ERGIC3: variants seen among roughly 807,000 people sequenced by gnomAD.
ERGIC3 encodes endoplasmic reticulum-Golgi intermediate compartment protein 3.
Under a neutral mutation model 54.7 loss-of-function variants are expected in ERGIC3, and 33 were observed. The observed-to-expected ratio is 0.60, with a 90% CI of 0.46 to 0.81. ERGIC3 has a LOEUF of 0.81. ERGIC3 is among the 30% of genes least tolerant of loss of function. The pLI is 0.00. For missense variants in ERGIC3, 399 were observed against 488.4 expected, an observed-to-expected ratio of 0.82 and a Z score of 1.73; for synonymous variants, 186 against 189.8, an observed-to-expected ratio of 0.98 and a Z score of 0.16.
At chr20:35,551,746 A>T (rs1449256145) in intron 7 of ERGIC3, among the ~76,000 whole-genome samples, 12 of 152,244 alleles carry the variant, frequency 7.9e-5, no homozygotes, top group African/African-American at 2.9e-4. Context: ...ATGCTTCTGG[A>T]TGTCAAGCGG....
intron 4 of ERGIC3, among the ~76,000 whole-genome samples, chr20:35,546,989 A>AG (rs1433402605): frequency 2.0e-5 from 3 of 152,294 alleles, no homozygotes; most frequent in Admixed American, 6.5e-5. Context: ...TGTGAGGAGA[A>AG]GCACCATGGC....
Position 35,542,353 on chromosome 20 carries a change from T to C in ERGIC3, c.119T>C (p.Leu40Pro). The stretch of plus-strand genomic sequence containing the variant: ...ATTGTCAGTGGCCTTCTCATGCTGC[T>C]ACTGTTCCTGTCCGAGCTGCAGTAT... ...VTIVSGLLML[L>P]LFLSELQYYL... is the part of the protein sequence containing the mutation. The change falls in exon 2 of 13, where the codon CTA (leucine) becomes CCA (proline). Residue 40 changes from leucine to proline, a missense_variant. Physicochemically the swap from Leu to Pro is moderately conservative, Grantham distance 98. Transcript: ENST00000348547. 2.5e-6 allele frequency: 4 copies of C among 1,613,876 alleles called. No individual in the cohort carries two copies. Among genetic ancestry groups the C allele is most frequent in the Non-Finnish European group, 8.5e-7 (1 of 1,179,996 alleles).
chr20:35,548,853 T>A lies in ERGIC3; in HGVS notation c.673T>A (p.Ser225Thr). ...HFAPGKSFQQ[S>T]HVHVHDLQSF... Reference sequence around the variant, plus strand: ...TGCCCCTGGGAAGAGCTTCCAGCAGTCCCATGTGCACGGTGAGTGATCTGC... The same window carrying A: ...TGCCCCTGGGAAGAGCTTCCAGCAGACCCATGTGCACGGTGAGTGATCTGC... Residue 225 changes from serine (S) to threonine (T), a missense_variant, in exon 7 of 13, where the codon TCC becomes ACC. Physicochemically the swap from Ser to Thr is moderately conservative, Grantham distance 58. Coordinates refer to ENST00000348547, the MANE Select transcript of ERGIC3 (RefSeq NM_015966.3). 1.2e-6 allele frequency: 2 copies of A among 1,614,206 alleles called. No individual in the cohort carries two copies. Among genetic ancestry groups the A allele is most frequent in the Non-Finnish European group, 1.7e-6 (2 of 1,180,026 alleles).
chr20:35,553,208 A>C (rs1166931920), intron 7 of ERGIC3, among the ~76,000 whole-genome samples: 3 of 130,204 alleles, frequency 2.3e-5, no homozygotes, highest in Non-Finnish European at 4.8e-5. Context: ...GGGTCTTGCC[A>C]TGTTGCCCAG....
At chr20:35,554,715 G>C (rs1452244967) in intron 7 of ERGIC3, 1 of 590,776 alleles carries the variant, frequency 1.7e-6, no homozygotes, top group African/African-American at 1.9e-5. Context: ...TTTGCCATCA[G>C]CTCTAGTTAG....
At chr20:35,548,194 G>T (rs1352120259) in intron 5 of ERGIC3, among the ~76,000 whole-genome samples, 2 of 152,142 alleles carry the variant, frequency 1.3e-5, no homozygotes, top group African/African-American at 4.8e-5. Flanking sequence ...CACAGTCCTA[G>T]TCTGGGCACA....
chr20:35,547,238 A>T, intron 4 of ERGIC3, 174 bp from the exon 5 acceptor site: 1 of 579,824 alleles, frequency 1.7e-6, no homozygotes, highest in Middle Eastern at 4.1e-4. Flanking sequence ...TTCTTTTATT[A>T]AAAGAATTGA....
At chr20:35,549,661 G>C (rs188152833) in intron 7 of ERGIC3, 1 of 168,182 alleles carries the variant, frequency 5.9e-6, no homozygotes, top group Non-Finnish European at 1.3e-5. Flanking sequence ...TTTTGAGACA[G>C]AGTCTCACTC....
In ERGIC3 at chr20:35,548,518, C is replaced by T; in HGVS notation, c.471C>T (p.Asn157=). ...ACTCCCTGCCCTACAGGTGCTGTAA[C>T]ACCTGTGAAGATGTGCGGGAGGCAT... ...GAEAEDIKCC[N]TCEDVREAYR... is the part of the protein sequence containing the mutation. Residue 157 remains asparagine (N), a synonymous_variant, in exon 6 of 13, where the codon AAC becomes AAT. Transcript: ENST00000348547. 3 of 1,614,096 alleles carry T rather than the reference C, an allele frequency of 1.9e-6. No homozygotes were observed. Among genetic ancestry groups the T allele is most frequent in the Non-Finnish European group, 2.5e-6 (3 of 1,180,032 alleles).
chr20:35,548,742 C>T (rs1210166761), intron 6 of ERGIC3, 66 bp from the exon 7 acceptor site: 3 of 1,613,920 alleles, frequency 1.9e-6, no homozygotes, highest in Non-Finnish European at 2.5e-6. Flanking sequence ...AACCGAGGGC[C>T]CAGTCAGGCC....
chr20:35,556,174 G>A, intron 9 of ERGIC3, 33 bp from the exon 10 acceptor site: 1 of 1,614,140 alleles, frequency 6.2e-7, no homozygotes, highest in Non-Finnish European at 8.5e-7. Flanking sequence ...GGCCGGCCGG[G>A]CACCCATACC....
chr20:35,557,300 G>A (rs1278465510), intron 12 of ERGIC3, 51 bp downstream of exon 12: 3 of 1,613,166 alleles, frequency 1.9e-6, no homozygotes, highest in Admixed American at 3.3e-5. Context: ...GGTAAAGCCT[G>A]GGTGCCCCAG....
At chr20:35,556,551 G>T in intron 10 of ERGIC3, 1 of 522,588 alleles carries the variant, frequency 1.9e-6, no homozygotes, top group African/African-American at 1.9e-5. Context: ...TGGTCTGCCT[G>T]GGCTGGGGGT....
At chr20:35,547,605 G>A in intron 5 of ERGIC3, 100 bp downstream of exon 5, 15 of 1,054,078 alleles carry the variant, frequency 1.4e-5, no homozygotes, top group Non-Finnish European at 2.0e-5. Flanking sequence ...GTCAGACCAA[G>A]AATCTAGAGT....
At chr20:35,547,620 G>A (rs1046724412) in intron 5 of ERGIC3, 115 bp downstream of exon 5, 17 of 864,828 alleles carry the variant, frequency 2.0e-5, no homozygotes, top group African/African-American at 1.2e-4. Context: ...TAGAGTGGGC[G>A]GGGTATGTGC....
intron 7 of ERGIC3, 61 bp downstream of exon 7, chr20:35,548,926 G>T: frequency 6.3e-7 from 1 of 1,587,110 alleles, no homozygotes. Context: ...GTGAGCTTGA[G>T]TGGTCCTCTT....
rs772519804 is a variant in ERGIC3, at chr20:35,557,422, C to T, written c.1073-3C>T. ...CCAGTGCCAGCCCTTGTCTCTCTCC[C>T]AGTGGCTGGACTCATCGATTCGCTC... On this transcript the variant is annotated splice_polypyrimidine_tract_variant and splice_region_variant and intron_variant, in intron 12 of 12. Coordinates refer to ENST00000348547, the MANE Select transcript of ERGIC3 (RefSeq NM_015966.3). 4 of 1,614,088 alleles carry T rather than the reference C, an allele frequency of 2.5e-6. No individual in the cohort carries two copies. Among genetic ancestry groups the T allele is most frequent in the Non-Finnish European group, 3.4e-6 (4 of 1,179,980 alleles).
At chr20:35,548,190 C>T (rs564841769) in intron 5 of ERGIC3, among the ~76,000 whole-genome samples, 13 of 152,236 alleles carry the variant, frequency 8.5e-5, no homozygotes, top group Middle Eastern at 3.4e-3. Context: ...TTTTCACAGT[C>T]CTAGTCTGGG....
chr20:35,547,193 T>C (rs945016499), intron 4 of ERGIC3: 4 of 511,728 alleles, frequency 7.8e-6, no homozygotes, highest in African/African-American at 7.7e-5. Flanking sequence ...ACACAGCTAA[T>C]GTTCAGTATT....
Sources: allele counts gnomAD v4.1 joint callset (sites outside exome capture counted in the v4.1 genomes callset), GRCh38; gene constraint gnomAD v4.1.1; transcripts MANE v1.5; gene names NCBI Gene and HGNC (gene_info 2026-07-23, HGNC 2026-07-21).